The following MED13L variants were observed in gnomAD, a reference collection of about 807,000 sequenced individuals.
MED13L encodes the protein mediator of RNA polymerase II transcription subunit 13-like.
Under a neutral mutation model 220.9 loss-of-function variants are expected in MED13L, and 7 were observed. The observed-to-expected ratio is 0.03, with a 90% CI of 0.02 to 0.06. The LOEUF is 0.06. Ranked by LOEUF, MED13L falls within the 10% of genes least tolerant of loss-of-function variation. MED13L has a pLI of 1.00. For synonymous variants in MED13L, 1,011 were observed against 1,015.2 expected (o/e 1.00, Z 0.08); for missense variants, 1,965 against 2,760.5 (o/e 0.71, Z 6.46).
intron 9 of MED13L, among the ~76,000 whole-genome samples, chr12:116,011,734 C>T (rs1366581737): frequency 6.6e-6 from 1 of 152,230 alleles, no homozygotes; most frequent in Non-Finnish European, 1.5e-5. Flanking sequence ...TCTTCAAAAA[C>T]ATCCTCCCTG....
At chr12:116,232,694 T>C (rs1292858568) in intron 2 of MED13L, among the ~76,000 whole-genome samples, 3 of 152,226 alleles carry the variant, frequency 2.0e-5, no homozygotes, top group African/African-American at 7.2e-5. Context: ...TTGGCAGTTC[T>C]GTGCTTGCTC....
At chr12:116,197,595 C>T (rs1251669693) in intron 2 of MED13L, among the ~76,000 whole-genome samples, 1 of 151,954 alleles carries the variant, frequency 6.6e-6, no homozygotes, top group Non-Finnish European at 1.5e-5. Flanking sequence ...GGAGAAACTC[C>T]ATCTCTACTA....
At chr12:116,105,150 A>C (rs1262317108) in intron 3 of MED13L, among the ~76,000 whole-genome samples, 1 of 152,214 alleles carries the variant, frequency 6.6e-6, no homozygotes, top group Non-Finnish European at 1.5e-5. Flanking sequence ...TTTTTTTCCC[A>C]TCGTCTATTG....
chr12:116,130,926 T>C (rs984762216), intron 2 of MED13L, among the ~76,000 whole-genome samples: 6 of 152,178 alleles, frequency 3.9e-5, no homozygotes, highest in Non-Finnish European at 7.3e-5. Flanking sequence ...CAAGTATATC[T>C]TATGTTCAAA....
rs1353847707 is a variant in MED13L, at chr12:116,120,467, TCTCTCTCTCTCACACACACACACA to T, written c.311-8979_311-8956del. Among the ~76,000 whole-genome samples the T allele has an allele frequency of 5.8e-5, 8 of 136,928 alleles. No homozygotes were observed. The East Asian group carries it at 8.5e-4, about 15-fold the overall frequency. The allele number at this position is 136,928 out of a possible 152,430, so 89.8% of individuals were successfully genotyped here. ...CTCTCTCTCTCTCTCTCTCTCTCTCTCTCTCTCTCTCACACACACACACACACACACACACACACACACACACAC... is the reference window on the plus strand; with the variant it reads ...CTCTCTCTCTCTCTCTCTCTCTCTCTCACACACACACACACACACACACAC... On this transcript the variant is annotated intron_variant, in intron 2 of 30. Coordinates refer to ENST00000281928, the MANE Select transcript of MED13L (RefSeq NM_015335.5).
chr12:116,271,557 C>T (rs1483375496), intron 1 of MED13L, among the ~76,000 whole-genome samples: 1 of 149,180 alleles, frequency 6.7e-6, no homozygotes, highest in Non-Finnish European at 1.5e-5. Flanking sequence ...ACCCGGGAGG[C>T]GGAGCTTGCA....
chr12:116,021,530 C>T (rs1180189350), intron 5 of MED13L, among the ~76,000 whole-genome samples: 1 of 152,020 alleles, frequency 6.6e-6, no homozygotes, highest in Non-Finnish European at 1.5e-5. Flanking sequence ...GAAACAGATG[C>T]TTTCATTGAA....
chr12:116,057,091 A>T (rs912960170), intron 4 of MED13L, among the ~76,000 whole-genome samples: 3 of 152,236 alleles, frequency 2.0e-5, no homozygotes, highest in African/African-American at 7.2e-5. Context: ...AGACAAGGTT[A>T]AATCAGAAGC....
At chr12:116,098,144 G>A (rs531111497) in intron 3 of MED13L, among the ~76,000 whole-genome samples, 1 of 152,208 alleles carries the variant, frequency 6.6e-6, no homozygotes, top group Non-Finnish European at 1.5e-5. Flanking sequence ...TACTCGGGAG[G>A]CTGAAGGAGG....
At chr12:116,224,460 T>G (rs1868757921) in intron 2 of MED13L, among the ~76,000 whole-genome samples, 1 of 152,206 alleles carries the variant, frequency 6.6e-6, no homozygotes, top group Non-Finnish European at 1.5e-5. Flanking sequence ...CATAGGAGAC[T>G]TTACTTTCTA....
chr12:115,989,271 G>T (rs945067411), intron 17 of MED13L, among the ~76,000 whole-genome samples: 3 of 152,092 alleles, frequency 2.0e-5, no homozygotes, highest in Non-Finnish European at 4.4e-5. Flanking sequence ...TCTCACCACG[G>T]TCAGAAGACA....
intron 4 of MED13L, among the ~76,000 whole-genome samples, chr12:116,034,077 C>T (rs981953738): frequency 2.6e-5 from 4 of 151,966 alleles, no homozygotes; most frequent in African/African-American, 9.7e-5. Flanking sequence ...GTTCATCTAA[C>T]CCCTATTTAT....
At chr12:116,053,811 G>C (rs758631233) in intron 4 of MED13L, among the ~76,000 whole-genome samples, 1 of 152,104 alleles carries the variant, frequency 6.6e-6, no homozygotes, top group Non-Finnish European at 1.5e-5. Context: ...TTAGCAAAAG[G>C]CTTTCACCTT....
chr12:116,148,051 C>CAAAAAAAA (rs10678970), intron 2 of MED13L, among the ~76,000 whole-genome samples: 505 of 18,110 alleles, frequency 0.028, 31 homozygotes, highest in Middle Eastern at 0.083. Context: ...GACCCCATCT[C>CAAAAAAAA]AAAAAAAAAA....
chr12:116,022,370 G>T (rs1277607928), intron 5 of MED13L, 86 bp downstream of exon 5: 11 of 1,487,082 alleles, frequency 7.4e-6, no homozygotes, highest in Non-Finnish European at 1.0e-5. Flanking sequence ...TTTAAGATAA[G>T]GTCTCACCCT....
At chr12:116,161,978 G>A (rs1396794804) in intron 2 of MED13L, among the ~76,000 whole-genome samples, 4 of 152,010 alleles carry the variant, frequency 2.6e-5, no homozygotes, top group Non-Finnish European at 4.4e-5. Flanking sequence ...AAAGAAACAC[G>A]ATCTTGTATA....
At chr12:116,078,008 G>A (rs1870935949) in intron 4 of MED13L, among the ~76,000 whole-genome samples, 1 of 151,966 alleles carries the variant, frequency 6.6e-6, no homozygotes, top group Non-Finnish European at 1.5e-5. Context: ...GCCGGGCATG[G>A]TGGCACCTAA....
At chr12:116,126,455 T>C (rs1013790077) in intron 2 of MED13L, among the ~76,000 whole-genome samples, 1 of 152,214 alleles carries the variant, frequency 6.6e-6, no homozygotes, top group Admixed American at 6.5e-5. Flanking sequence ...ACTAGAGTCC[T>C]GTGCAAGAGC....
chr12:115,965,282 C>T (rs1380288167), intron 29 of MED13L, among the ~76,000 whole-genome samples: 2 of 152,246 alleles, frequency 1.3e-5, no homozygotes, highest in Non-Finnish European at 2.9e-5. Context: ...GGATGCACCA[C>T]AGTTGATTCA....
Sources: allele counts gnomAD v4.1 joint callset (sites outside exome capture counted in the v4.1 genomes callset), GRCh38; gene constraint gnomAD v4.1.1; transcripts MANE v1.5; gene names NCBI Gene and HGNC (gene_info 2026-07-23, HGNC 2026-07-21).